RAPGEF4: variants seen among roughly 807,000 people sequenced by gnomAD.
RAPGEF4 encodes RAP guanine-nucleotide-exchange factor (GEF) 4.
A neutral mutation model predicts 147.9 loss-of-function variants in RAPGEF4; 66 were observed. The ratio of observed to expected loss-of-function variants is 0.45; its 90% CI spans 0.37 to 0.55. The LOEUF is 0.55. Ranked by LOEUF, RAPGEF4 falls within the 20% of genes least tolerant of loss-of-function variation. RAPGEF4 has a pLI of 0.00. For synonymous variants in RAPGEF4, 419 were observed against 442.7 expected (o/e 0.95, Z 0.67); for missense variants, 1,071 against 1,257.3 (o/e 0.85, Z 2.24).
At chr2:172,805,136 A>G (rs542989199) in intron 3 of RAPGEF4, among the ~76,000 whole-genome samples, 15 of 152,264 alleles carry the variant, frequency 9.9e-5, no homozygotes, top group African/African-American at 3.4e-4. Flanking sequence ...CCAGGACCAC[A>G]TGTTGCTTCT....
intron 1 of RAPGEF4, among the ~76,000 whole-genome samples, chr2:172,785,628 A>G (rs1685123831): frequency 6.6e-6 from 1 of 152,184 alleles, no homozygotes. Context: ...ACATTTACTG[A>G]TTTTCCAAAG....
At chr2:172,942,752 T>C (rs1687294936) in intron 6 of RAPGEF4, among the ~76,000 whole-genome samples, 1 of 152,152 alleles carries the variant, frequency 6.6e-6, no homozygotes, top group Non-Finnish European at 1.5e-5. Context: ...GTGAAATTAA[T>C]TTTAATAACG....
chr2:173,030,588 T>C (rs896388171), intron 26 of RAPGEF4, among the ~76,000 whole-genome samples: 1 of 152,244 alleles, frequency 6.6e-6, no homozygotes, highest in African/African-American at 2.4e-5. Flanking sequence ...ATAGATTGTA[T>C]TGTTTTCTGA....
In RAPGEF4 at chr2:172,956,737, C is replaced by T. The variant is rs373346413; in HGVS notation, c.538-4023C>T. On this transcript the variant is annotated intron_variant, in intron 6 of 30. Coordinates refer to ENST00000397081, the MANE Select transcript of RAPGEF4 (RefSeq NM_007023.4). The stretch of plus-strand genomic sequence containing the variant: ...TGCCCGCCTCAGCCTCCCAAAGTGC[C>T]GGGATTACAGGCGTGAGCCACTGCG... 9.2e-5 allele frequency among the ~76,000 whole-genome samples: 14 copies of T among 152,212 alleles called. 1 individual carries two copies. Among genetic ancestry groups the T allele is most frequent in the African/African-American group, 3.1e-4 (13 of 41,556 alleles).
chr2:172,814,780 A>G (rs1201761966), intron 4 of RAPGEF4: 1 of 303,278 alleles, frequency 3.3e-6, no homozygotes, highest in Non-Finnish European at 6.5e-6. Context: ...TTTAAAAATC[A>G]TCATTGACAT....
At chr2:173,047,912 G>C (rs1404192942) in intron 29 of RAPGEF4, among the ~76,000 whole-genome samples, 1 of 152,076 alleles carries the variant, frequency 6.6e-6, no homozygotes, top group Non-Finnish European at 1.5e-5. Flanking sequence ...TCCTGACCTC[G>C]TGATCCACCC....
chr2:172,974,491 C>T (rs1322557922), intron 10 of RAPGEF4, among the ~76,000 whole-genome samples: 1 of 152,052 alleles, frequency 6.6e-6, no homozygotes, highest in Non-Finnish European at 1.5e-5. Flanking sequence ...CAAGACCAGC[C>T]CGGGCAACAT....
At chr2:173,020,472 C>A (rs1383672592) in intron 22 of RAPGEF4, 146 bp from the exon 23 acceptor site, 4 of 714,814 alleles carry the variant, frequency 5.6e-6, no homozygotes, top group Non-Finnish European at 9.8e-6. Flanking sequence ...TTTTTTATTC[C>A]GTGGATCCCT....
At chr2:173,014,421 A>G (rs747617625) in intron 17 of RAPGEF4, 43 bp from the exon 18 acceptor site, 2 of 1,611,160 alleles carry the variant, frequency 1.2e-6, no homozygotes, top group East Asian at 2.2e-5. Context: ...AGCATGTGAA[A>G]TGAGTGTGAA....
At chr2:173,035,168 C>A (rs1020472186) in intron 27 of RAPGEF4, among the ~76,000 whole-genome samples, 1 of 151,840 alleles carries the variant, frequency 6.6e-6, no homozygotes. Context: ...AATCCCCCGA[C>A]CTCAGCCTTC....
intron 1 of RAPGEF4, among the ~76,000 whole-genome samples, chr2:172,737,562 C>G (rs1676647293): frequency 6.6e-6 from 1 of 152,108 alleles, no homozygotes; most frequent in Admixed American, 6.5e-5. Flanking sequence ...ATGGCAAAAT[C>G]ATAGAGCAAT....
chr2:173,017,105 T>A, intron 19 of RAPGEF4, 69 bp from the exon 20 acceptor site: 1 of 1,417,540 alleles, frequency 7.1e-7, no homozygotes, highest in Non-Finnish European at 9.9e-7. Context: ...ATAAGATTAG[T>A]TATATACAAA....
At chr2:172,860,402 AT>A in intron 4 of RAPGEF4, 1 of 821,312 alleles carries the variant, frequency 1.2e-6, no homozygotes, top group Non-Finnish European at 1.5e-6. Context: ...AAGCATGTTT[AT>A]TTACAGAAGT....
intron 4 of RAPGEF4, among the ~76,000 whole-genome samples, chr2:172,902,182 G>C (rs1699133773): frequency 6.6e-6 from 1 of 152,242 alleles, no homozygotes; most frequent in Non-Finnish European, 1.5e-5. Context: ...AGGCGAGTGG[G>C]GGCTGAGGCT....
In RAPGEF4 at chr2:172,814,365, T is replaced by C; in HGVS notation, c.384T>C (p.Val128=). 1 of 1,614,160 alleles carries C rather than the reference T, an allele frequency of 6.2e-7. No individual in the cohort carries two copies. The change falls in exon 4 of 31, where the codon GTT becomes GTC. Residue 128 remains valine (V), a synonymous_variant. Transcript: ENST00000397081. The part of the protein sequence containing the change: ...LDNTPRHATI[V]TRESSELLRI... Reference sequence around the variant, plus strand: ...ACACACCCCGCCATGCAACCATCGTTACCAGGGAGAGCAGTGAACTGCTCC... The same window carrying C: ...ACACACCCCGCCATGCAACCATCGTCACCAGGGAGAGCAGTGAACTGCTCC...
intron 4 of RAPGEF4, among the ~76,000 whole-genome samples, chr2:172,867,378 A>G (rs1330758024): frequency 6.6e-6 from 1 of 152,132 alleles, no homozygotes; most frequent in Non-Finnish European, 1.5e-5. Context: ...CAGTTCTTTT[A>G]CTGTCCTTGG....
At chr2:172,961,405 T>A (rs1398640240) in intron 8 of RAPGEF4, among the ~76,000 whole-genome samples, 177 bp downstream of exon 8, 1 of 152,240 alleles carries the variant, frequency 6.6e-6, no homozygotes, top group Non-Finnish European at 1.5e-5. Flanking sequence ...TAATTATCCT[T>A]AATATTCCTA....
At chr2:172,982,357 T>C (rs757656647) in intron 10 of RAPGEF4, among the ~76,000 whole-genome samples, 10 of 152,178 alleles carry the variant, frequency 6.6e-5, no homozygotes, top group Non-Finnish European at 1.5e-4. Flanking sequence ...TAGATAATAT[T>C]CATAACTGCA....
intron 10 of RAPGEF4, among the ~76,000 whole-genome samples, chr2:172,968,089 T>G (rs1486409524): frequency 1.3e-5 from 2 of 152,200 alleles, no homozygotes; most frequent in Non-Finnish European, 1.5e-5. Context: ...AATGTATTAT[T>G]AAGCCCCCGT....
Sources: gnomAD v4.1 joint callset for allele counts (sites outside exome capture counted in the v4.1 genomes callset) on GRCh38, gnomAD v4.1.1 for gene constraint, MANE v1.5 for transcripts, NCBI Gene and HGNC (gene_info 2026-07-23, HGNC 2026-07-21) for gene names.